The following BAIAP2L1 variants were observed in gnomAD, a reference collection of about 807,000 sequenced individuals.
BAIAP2L1 encodes the protein BAR/IMD domain containing adaptor protein 2 like 1, also known as BAR/IMD domain-containing adapter protein 2-like 1.
A neutral mutation model predicts 66.3 loss-of-function variants in BAIAP2L1; 35 were observed. The observed-to-expected ratio is 0.53, with a 90% CI of 0.40 to 0.70. The LOEUF is 0.70. BAIAP2L1 is among the 30% of genes least tolerant of loss of function. BAIAP2L1 has a pLI of 0.00. For missense variants in BAIAP2L1, 622 were observed against 656.9 expected (o/e 0.95, Z 0.58); for synonymous variants, 269 against 248.7 (o/e 1.08, Z -0.77).
At chr7:98,294,202 A>T in intron 12 of BAIAP2L1, 91 bp from the exon 13 acceptor site, 2 of 1,430,146 alleles carry the variant, frequency 1.4e-6, no homozygotes, top group Non-Finnish European at 1.9e-6. Context: ...TATGTTGCCC[A>T]GGCTGGTTTC....
chr7:98,355,723 T>C (rs369070105), intron 2 of BAIAP2L1, among the ~76,000 whole-genome samples: 15 of 152,058 alleles, frequency 9.9e-5, no homozygotes, highest in African/African-American at 2.9e-4. Flanking sequence ...CAGCCAGATA[T>C]TGTCTCAAAA....
At chr7:98,392,269 T>C (rs1803064443) in intron 1 of BAIAP2L1, among the ~76,000 whole-genome samples, 1 of 151,314 alleles carries the variant, frequency 6.6e-6, no homozygotes, top group Non-Finnish European at 1.5e-5. Context: ...CGCTTGAACC[T>C]GGGAGGCGGA....
intron 12 of BAIAP2L1, among the ~76,000 whole-genome samples, chr7:98,295,963 C>G (rs1222211068): frequency 6.6e-6 from 1 of 152,202 alleles, no homozygotes; most frequent in African/African-American, 2.4e-5. Flanking sequence ...TGGGGCCCAA[C>G]AATCCTGCTC....
At chr7:98,320,349 T>C in intron 3 of BAIAP2L1, 51 bp from the exon 4 acceptor site, 2 of 1,423,968 alleles carry the variant, frequency 1.4e-6, no homozygotes, top group Non-Finnish European at 1.9e-6. Flanking sequence ...TATTTTTTTG[T>C]TTTGAAATGG....
chr7:98,341,643 G>A (rs968079079), intron 3 of BAIAP2L1, among the ~76,000 whole-genome samples: 3 of 152,116 alleles, frequency 2.0e-5, no homozygotes, highest in South Asian at 2.1e-4. Context: ...GACCAGATAC[G>A]CGACCTCAGC....
Position 98,304,181 on chromosome 7 carries a change from T to C in BAIAP2L1, c.1422+15A>G. Reference sequence around the variant, plus strand: ...GAGTCCAGGACCCAGGACGCCCTGCTGCGGCTTTACTCACAGGAGCCGCGG... The same window carrying C: ...GAGTCCAGGACCCAGGACGCCCTGCCGCGGCTTTACTCACAGGAGCCGCGG... On this transcript the variant is annotated intron_variant, in intron 12 of 13. Transcript: ENST00000005260. 1 of 1,562,632 alleles carries C rather than the reference T, an allele frequency of 6.4e-7. No individual in the cohort carries two copies. Among genetic ancestry groups the C allele is most frequent in the Non-Finnish European group, 8.7e-7 (1 of 1,153,294 alleles).
At chr7:98,372,901 A>T (rs1802543114) in intron 1 of BAIAP2L1, among the ~76,000 whole-genome samples, 1 of 152,052 alleles carries the variant, frequency 6.6e-6, no homozygotes, top group Non-Finnish European at 1.5e-5. Context: ...CACCACGCCC[A>T]GCTAATTTTT....
intron 1 of BAIAP2L1, among the ~76,000 whole-genome samples, chr7:98,363,773 G>A (rs1234674251): frequency 6.6e-6 from 1 of 151,716 alleles, no homozygotes; most frequent in South Asian, 2.1e-4. Context: ...TTATATAGAC[G>A]ACCAGATGCA....
intron 3 of BAIAP2L1, among the ~76,000 whole-genome samples, chr7:98,343,905 G>A (rs1801808665): frequency 6.6e-6 from 1 of 152,184 alleles, no homozygotes; most frequent in Non-Finnish European, 1.5e-5. Context: ...TTCCTGGCCG[G>A]CACAAAGGCT....
At chr7:98,294,039 C>T in intron 13 of BAIAP2L1, 35 bp downstream of exon 13, 1 of 1,610,202 alleles carries the variant, frequency 6.2e-7, no homozygotes, top group Non-Finnish European at 8.5e-7. Context: ...AGAGCAATGT[C>T]ACACACTGAG....
rs1803098920 is a variant in BAIAP2L1 at position 98,393,112 on chromosome 7, T to C, written c.51+7690A>G. The stretch of plus-strand genomic sequence containing the variant: ...ATACATATATACGTGTACATATATG[T>C]ACACATATATGTATATATACACACA... On this transcript the variant is annotated intron_variant, in intron 1 of 13. Coordinates refer to ENST00000005260, the MANE Select transcript of BAIAP2L1 (RefSeq NM_018842.5). Among the ~76,000 whole-genome samples the C allele has an allele frequency of 2.4e-5, 2 of 82,768 alleles. 1 individual carries two copies. Among genetic ancestry groups the C allele is most frequent in the Non-Finnish European group, 5.4e-5 (2 of 37,232 alleles). The allele number at this position is 82,768 out of a possible 152,430, so 54.3% of individuals were successfully genotyped here. A position where few individuals can be genotyped will look rare whatever the true frequency, so the allele number is the denominator to read the frequency against.
intron 12 of BAIAP2L1, among the ~76,000 whole-genome samples, chr7:98,301,595 G>T (rs973160015): frequency 2.6e-5 from 4 of 152,028 alleles, no homozygotes; most frequent in African/African-American, 9.7e-5. Context: ...GGGATTACAG[G>T]CGTGAGCCAC....
intron 8 of BAIAP2L1, 69 bp from the exon 9 acceptor site, chr7:98,310,661 C>CTT: frequency 8.0e-7 from 1 of 1,252,862 alleles, no homozygotes; most frequent in South Asian, 1.8e-5. Flanking sequence ...ATTCCCAAGG[C>CTT]TGTTTTTTTT....
intron 3 of BAIAP2L1, among the ~76,000 whole-genome samples, chr7:98,342,971 A>G (rs556501146): frequency 6.6e-6 from 1 of 151,728 alleles, no homozygotes; most frequent in Non-Finnish European, 1.5e-5. Context: ...ATGAAGGATT[A>G]ACCTTTATCA....
rs531027101 is a variant in BAIAP2L1, at chr7:98,307,411, T to A, written c.1163+278A>T. ...ATGAGCCACTGCACTGGCCAAATGC[T>A]AAATTTTTTTTAAAAACAAAAGAAT... On this transcript the variant is annotated intron_variant, in intron 10 of 13. Coordinates refer to ENST00000005260, the MANE Select transcript of BAIAP2L1 (RefSeq NM_018842.5). The A allele has an allele frequency of 2.3e-4, 293 of 1,272,886 alleles. No individual in the cohort carries two copies. The African/African-American group carries it at 4.0e-3, about 17-fold the overall frequency. The allele number at this position is 1,272,886 out of a possible 1,614,324, so 78.8% of individuals were successfully genotyped here.
In BAIAP2L1 at chr7:98,390,816, T is replaced by G. The variant is rs541308077; in HGVS notation, c.51+9986A>C. On this transcript the variant is annotated intron_variant, in intron 1 of 13. Coordinates refer to ENST00000005260, the MANE Select transcript of BAIAP2L1 (RefSeq NM_018842.5). ...GATATTGTTTAGGGACTTTTTAGCC[T>G]CCAAAGTACCATATGAATAAACACA... 3.3e-5 allele frequency among the ~76,000 whole-genome samples: 5 copies of G among 152,144 alleles called. No individual in the cohort carries two copies. In the South Asian group the frequency reaches 1.0e-3, roughly 32 times the overall value.
intron 3 of BAIAP2L1, among the ~76,000 whole-genome samples, chr7:98,330,593 G>T: frequency 6.6e-6 from 1 of 151,490 alleles, no homozygotes; most frequent in African/African-American, 2.4e-5. Flanking sequence ...GTAGGCGGAG[G>T]TTGCAGTGAG....
chr7:98,309,328 T>C (rs901671856), intron 9 of BAIAP2L1: 3 of 152,160 alleles, frequency 2.0e-5, no homozygotes, highest in African/African-American at 4.8e-5. Flanking sequence ...CTAATTTTTG[T>C]ATTTTTAGTA....
At chr7:98,320,176 C>T (rs1801203766) in intron 4 of BAIAP2L1, 47 bp from the exon 5 acceptor site, 1 of 1,590,916 alleles carries the variant, frequency 6.3e-7, no homozygotes, top group Non-Finnish European at 8.6e-7. Context: ...AGATTTTAAG[C>T]AAAATAAGTT....
Sources: allele counts gnomAD v4.1 joint callset (sites outside exome capture counted in the v4.1 genomes callset), GRCh38; gene constraint gnomAD v4.1.1; transcripts MANE v1.5; gene names NCBI Gene and HGNC (gene_info 2026-07-23, HGNC 2026-07-21).